Variants in MITF observed in about 807,000 individuals in gnomAD.
MITF encodes the protein melanocyte inducing transcription factor.
Under a neutral mutation model 60.5 loss-of-function variants are expected in MITF, and 17 were observed. The ratio of observed to expected loss-of-function variants is 0.28; its 90% CI spans 0.19 to 0.42. MITF has a LOEUF of 0.42. Ranked by LOEUF, MITF falls within the 10% of genes least tolerant of loss-of-function variation. MITF has a pLI of 1.00. For synonymous variants in MITF, 260 were observed against 248.5 expected (o/e 1.05, Z -0.43); for missense variants, 622 against 683.5 (o/e 0.91, Z 1.00).
chr3:69,852,702 A>G (rs1384059610), intron 1 of MITF, among the ~76,000 whole-genome samples: 1 of 152,212 alleles, frequency 6.6e-6, no homozygotes, highest in East Asian at 1.9e-4. Context: ...GTTATGAGGC[A>G]TGCACATGTT....
At chr3:69,938,872 C>A in intron 3 of MITF, 1 of 1,435,630 alleles carries the variant, frequency 7.0e-7, no homozygotes, top group Non-Finnish European at 9.1e-7. Flanking sequence ...AAAATCTTTG[C>A]CCCTATGCCC....
chr3:69,788,518 G>T (rs1046842718), intron 1 of MITF, among the ~76,000 whole-genome samples: 9 of 152,102 alleles, frequency 5.9e-5, no homozygotes, highest in African/African-American at 9.7e-5. Context: ...TTCTTCTGCA[G>T]TTAGTGCTTC....
At chr3:69,906,950 T>C (rs1288776243) in intron 2 of MITF, among the ~76,000 whole-genome samples, 1 of 152,164 alleles carries the variant, frequency 6.6e-6, no homozygotes, top group Admixed American at 6.5e-5. Context: ...ACTTAATATA[T>C]GCTGGTCACT....
intron 2 of MITF, among the ~76,000 whole-genome samples, chr3:69,904,734 G>A (rs960838499): frequency 6.6e-6 from 1 of 152,042 alleles, no homozygotes; most frequent in Admixed American, 6.6e-5. Flanking sequence ...TGGCTCTTAA[G>A]ACCGTCCCAG....
intron 1 of MITF, among the ~76,000 whole-genome samples, chr3:69,808,622 C>T (rs56099248): frequency 0.14 from 21,514 of 151,794 alleles, 1,780 homozygotes; most frequent in South Asian, 0.19. Flanking sequence ...GAAGGGAGTA[C>T]GGTGTGACCA....
intron 1 of MITF, among the ~76,000 whole-genome samples, chr3:69,740,237 T>C (rs1703479680): frequency 6.6e-6 from 1 of 152,066 alleles, no homozygotes; most frequent in South Asian, 2.1e-4. Flanking sequence ...TCTGGGCTCC[T>C]GCAGGTGAGG....
At chr3:69,825,760 G>T (rs1277710348) in intron 1 of MITF, among the ~76,000 whole-genome samples, 1 of 152,194 alleles carries the variant, frequency 6.6e-6, no homozygotes, top group South Asian at 2.1e-4. Context: ...TTTTTGAGAT[G>T]GGGAAACTGA....
intron 2 of MITF, among the ~76,000 whole-genome samples, chr3:69,884,449 G>T (rs1183585358): frequency 2.6e-5 from 4 of 152,046 alleles, no homozygotes; most frequent in Non-Finnish European, 4.4e-5. Context: ...CTATCTTTAA[G>T]AATCCCGCTT....
intron 2 of MITF, among the ~76,000 whole-genome samples, chr3:69,881,807 G>A (rs1352830810): frequency 6.6e-6 from 1 of 152,032 alleles, no homozygotes; most frequent in Non-Finnish European, 1.5e-5. Context: ...AGTGCATTAT[G>A]ATACAGATTA....
chr3:69,792,736 G>A (rs764453247), intron 1 of MITF, among the ~76,000 whole-genome samples: 2 of 151,800 alleles, frequency 1.3e-5, no homozygotes, highest in East Asian at 1.9e-4. Context: ...GCTCAAAATC[G>A]CTACTTTTAA....
intron 2 of MITF, among the ~76,000 whole-genome samples, chr3:69,895,615 T>C (rs1420499435): frequency 6.6e-6 from 1 of 151,990 alleles, no homozygotes; most frequent in Non-Finnish European, 1.5e-5. Flanking sequence ...CTATAGCTCT[T>C]ATTTTCTTTC....
At chr3:69,748,874 G>C (rs1703826179) in intron 1 of MITF, among the ~76,000 whole-genome samples, 1 of 152,218 alleles carries the variant, frequency 6.6e-6, no homozygotes, top group Non-Finnish European at 1.5e-5. Context: ...ACTTGCCTCA[G>C]TGGAAAGAAG....
At position 69,861,888 on chromosome 3, in the gene MITF, TTTAA is replaced by T. The variant is rs1233374726; in HGVS notation, c.105-17242_105-17239del. On this transcript the variant is annotated intron_variant, in intron 1 of 9. Coordinates refer to ENST00000352241, the MANE Select transcript of MITF (RefSeq NM_001354604.2). ...TTTCATTATTACTTTGATGAAACTC[TTTAA>T]TTACCCCACAATAAGGCTTTCATTG... Among the ~76,000 whole-genome samples the T allele has an allele frequency of 1.9e-4, 29 of 152,206 alleles. 1 individual carries two copies. Among genetic ancestry groups the T allele is most frequent in the Admixed American group, 1.8e-3 (27 of 15,280 alleles).
At chr3:69,767,930 G>T (rs1414508082) in intron 1 of MITF, among the ~76,000 whole-genome samples, 1 of 152,182 alleles carries the variant, frequency 6.6e-6, no homozygotes, top group Non-Finnish European at 1.5e-5. Context: ...TAAAAACCTT[G>T]TTAAAGATTT....
chr3:69,893,799 C>T (rs564644972), intron 2 of MITF, among the ~76,000 whole-genome samples: 1 of 152,230 alleles, frequency 6.6e-6, no homozygotes, highest in African/African-American at 2.4e-5. Context: ...ATGTAGATTC[C>T]TCTAACAGTA....
chr3:69,788,360 C>A (rs1025510217), intron 1 of MITF, among the ~76,000 whole-genome samples: 1 of 146,796 alleles, frequency 6.8e-6, no homozygotes. Flanking sequence ...TGTTCAATTC[C>A]CACCTATGAG....
At chr3:69,827,833 C>G (rs35879809) in intron 1 of MITF, among the ~76,000 whole-genome samples, 5 of 151,824 alleles carry the variant, frequency 3.3e-5, no homozygotes, top group African/African-American at 1.2e-4. Flanking sequence ...GCCCAGGCAC[C>G]CTGATGACTT....
At chr3:69,783,034 T>G (rs1367060574) in intron 1 of MITF, among the ~76,000 whole-genome samples, 1 of 152,212 alleles carries the variant, frequency 6.6e-6, no homozygotes, top group Non-Finnish European at 1.5e-5. Flanking sequence ...TATAATGTAC[T>G]GTAGGATGAG....
At chr3:69,743,903 T>C (rs1402875585) in intron 1 of MITF, among the ~76,000 whole-genome samples, 1 of 152,266 alleles carries the variant, frequency 6.6e-6, no homozygotes, top group South Asian at 2.1e-4. Flanking sequence ...TTTGGTTTAC[T>C]CAGTCCACAT....
Sources: allele counts gnomAD v4.1 joint callset (sites outside exome capture counted in the v4.1 genomes callset), GRCh38; gene constraint gnomAD v4.1.1; transcripts MANE v1.5; gene names NCBI Gene and HGNC (gene_info 2026-07-23, HGNC 2026-07-21).